Variants in DPYSL2 observed in about 807,000 individuals in gnomAD.
DPYSL2 encodes the protein dihydropyrimidinase like 2, also known as dihydropyrimidinase-related protein 2.
A neutral mutation model predicts 69.9 loss-of-function variants in DPYSL2; 13 were observed. The ratio of observed to expected loss-of-function variants is 0.19; its 90% confidence interval spans 0.12 to 0.30. The LOEUF is 0.30. Ranked by LOEUF, DPYSL2 falls within the 10% of genes least tolerant of loss-of-function variation. The probability of loss-of-function intolerance (pLI) is 1.00; values close to 1 mark genes in which losing one functional copy is unlikely to be tolerated. For missense variants in DPYSL2, 587 were observed against 918.9 expected (o/e 0.64, Z 4.67); for synonymous variants, 326 against 359.1 (o/e 0.91, Z 1.04).
Position 26,569,926 on chromosome 8 carries a change from C to T in DPYSL2, c.355-12043C>T, listed in dbSNP as rs562671000. On this transcript the variant is annotated intron_variant, in intron 1 of 13. Transcript: ENST00000521913. ...AAAGGAATAGAAGGGTAAGATCAGT[C>T]GGGCGCGGTGGCTCACACCTGTAAT... Among the ~76,000 whole-genome samples the T allele has an allele frequency of 1.5e-4, 23 of 152,176 alleles. 1 individual carries two copies. The highest frequency in any genetic ancestry group is 3.4e-3 in the Middle Eastern group (1 of 294).
chr8:26,615,066 C>T (rs757256203), intron 3 of DPYSL2, among the ~76,000 whole-genome samples: 5 of 152,178 alleles, frequency 3.3e-5, no homozygotes, highest in East Asian at 1.9e-4. Context: ...GCCAGAGGCA[C>T]GGGAGGTGTG....
rs192122791 is a variant in DPYSL2, at chr8:26,582,247, C to A, written c.443+190C>A. ...AAACTCAAATTTAGGGAATTCAAAG[C>A]AACAATTAATGTACACCCGTTGCAT... On this transcript the variant is annotated intron_variant, in intron 2 of 13. Transcript: ENST00000521913. The surrounding 1 kb of genome is among the most constrained non-coding windows in gnomAD (Gnocchi z 4.1). Among the ~76,000 whole-genome samples, 150 of 152,318 alleles carry A rather than the reference C, an allele frequency of 9.8e-4. 1 individual carries two copies. The highest frequency in any genetic ancestry group is 3.2e-3 in the African/African-American group (135 of 41,574).
In DPYSL2 at chr8:26,624,181, G is replaced by T. The variant is rs2228979; in HGVS notation, c.667G>T (p.Ala223Ser). ...VVPEPGTSLL[A>S]AFDQWREWAD... ...TCCTGAGCCTGGGACAAGCCTGCTC[G>T]CTGCCTTTGACCAGTGGAGGGAATG... The change falls in exon 4 of 14, where the codon GCT (alanine) becomes TCT (serine). Residue 223 changes from alanine to serine, a missense_variant. By Grantham distance (99) the Ala-to-Ser change is moderately conservative. Transcript: ENST00000521913. The surrounding 1 kb of genome is among the most constrained non-coding windows in gnomAD (Gnocchi z 4.7). The T allele has an allele frequency of 9.9e-6, 16 of 1,614,188 alleles. No homozygotes were observed. Among genetic ancestry groups the T allele is most frequent in the Non-Finnish European group, 1.4e-5 (16 of 1,180,032 alleles).
At chr8:26,529,728 ATTTT>A (rs71216757) in intron 1 of DPYSL2, among the ~76,000 whole-genome samples, 7 of 135,468 alleles carry the variant, frequency 5.2e-5, no homozygotes, top group Admixed American at 1.5e-4. Flanking sequence ...TTTAACCGTA[ATTTT>A]TTTTTTTTTT....
Position 26,652,104 on chromosome 8 carries a change from C to CA in DPYSL2, c.1597-151dup, listed in dbSNP as rs1360448078. Among the ~76,000 whole-genome samples the CA allele has an allele frequency of 1.3e-5, 2 of 152,054 alleles. No individual in the cohort carries two copies. Among genetic ancestry groups the CA allele is most frequent in the Non-Finnish European group, 2.9e-5 (2 of 68,016 alleles). On this transcript the variant is annotated intron_variant, in intron 11 of 13. Coordinates refer to ENST00000521913, the MANE Select transcript of DPYSL2 (RefSeq NM_001197293.3). The surrounding 1 kb of genome is among the most constrained non-coding windows in gnomAD (Gnocchi z 6.3). ...TCTAGACAGGGAAATGGAGACACAGCAAGTAAGTGCCTGCTGGGGTGCCCA... is the reference window on the plus strand; with the variant it reads ...TCTAGACAGGGAAATGGAGACACAGCAAAGTAAGTGCCTGCTGGGGTGCCCA...
At chr8:26,568,102 C>T (rs1313090573) in intron 1 of DPYSL2, among the ~76,000 whole-genome samples, 3 of 152,144 alleles carry the variant, frequency 2.0e-5, no homozygotes, top group Non-Finnish European at 2.9e-5. Context: ...CAACTGCATT[C>T]GGCTGTTTAT....
chr8:26,546,407 A>G (rs1800768804), intron 1 of DPYSL2, among the ~76,000 whole-genome samples: 1 of 152,208 alleles, frequency 6.6e-6, no homozygotes, highest in Non-Finnish European at 1.5e-5. Context: ...TAGACCTTCT[A>G]CATAGATGAT....
chr8:26,635,833 TTC>T (rs1220794323), intron 8 of DPYSL2, among the ~76,000 whole-genome samples: 2 of 152,322 alleles, frequency 1.3e-5, no homozygotes, highest in African/African-American at 4.8e-5. Flanking sequence ...CCCTCTGTCA[TTC>T]TCTCTCTGTG....
rs1487170905 is a variant in DPYSL2, at chr8:26,533,558, G to A, written c.354+18879G>A. On this transcript the variant is annotated intron_variant, in intron 1 of 13. Transcript: ENST00000521913. The surrounding 1 kb of genome is among the most constrained non-coding windows in gnomAD (Gnocchi z 4.8). ...ATTTTTCTATGTGGTATGAGACAGG[G>A]GTCTAACTTCATTATTTTGCCTGTG... Among the ~76,000 whole-genome samples the A allele has an allele frequency of 6.6e-6, 1 of 152,126 alleles. No homozygotes were observed. The highest frequency in any genetic ancestry group is 2.4e-5 in the African/African-American group (1 of 41,402).
chr8:26,637,311 C>T (rs1051860739), intron 8 of DPYSL2, among the ~76,000 whole-genome samples: 3 of 152,216 alleles, frequency 2.0e-5, no homozygotes, highest in Non-Finnish European at 4.4e-5. Context: ...ACTTCCTAGG[C>T]TCTTAGGCTC....
At chr8:26,595,164 A>G (rs1168237309) in intron 3 of DPYSL2, among the ~76,000 whole-genome samples, 2 of 152,126 alleles carry the variant, frequency 1.3e-5, no homozygotes, top group African/African-American at 2.4e-5. Flanking sequence ...TTGAGGGTGC[A>G]GTGAGCTATG....
rs1169030396 is a variant in DPYSL2 at position 26,614,412 on chromosome 8, G to T, written c.629-9731G>T. Among the ~76,000 whole-genome samples, 1 of 152,168 alleles carries T rather than the reference G, an allele frequency of 6.6e-6. No individual in the cohort carries two copies. The highest frequency in any genetic ancestry group is 1.5e-5 in the Non-Finnish European group (1 of 68,026). ...GATGAGAAGAGAGGGGTGGGGACAG[G>T]CGGTAGCTGGAGGGTCCTTCAGGAT... On this transcript the variant is annotated intron_variant, in intron 3 of 13. Transcript: ENST00000521913. This position sits in a 1 kb window ranked among gnomAD's most constrained non-coding sequence, Gnocchi z 4.9.
chr8:26,611,404 G>C (rs547643654), intron 3 of DPYSL2, among the ~76,000 whole-genome samples: 38 of 152,304 alleles, frequency 2.5e-4, no homozygotes, highest in African/African-American at 8.4e-4. Context: ...GCAGGCTTGA[G>C]GGCCTGTGAG....
intron 1 of DPYSL2, among the ~76,000 whole-genome samples, chr8:26,551,283 G>T (rs959346492): frequency 1.3e-5 from 2 of 152,160 alleles, no homozygotes; most frequent in African/African-American, 4.8e-5. Flanking sequence ...GTTAGAATAG[G>T]TATATTAATT....
rs977934139 is a variant in DPYSL2, at chr8:26,533,758, T to C, written c.354+19079T>C. ...GTCAAATGTTCTCAGGTGAAGAGGT[T>C]GAGAGGACTCCTGGAGATCCCAGAT... On this transcript the variant is annotated intron_variant, in intron 1 of 13. Transcript: ENST00000521913. This position sits in a 1 kb window ranked among gnomAD's most constrained non-coding sequence, Gnocchi z 4.8. Among the ~76,000 whole-genome samples the C allele has an allele frequency of 9.9e-5, 15 of 152,226 alleles. No homozygotes were observed. Among genetic ancestry groups the C allele is most frequent in the African/African-American group, 3.6e-4 (15 of 41,458 alleles).
At chr8:26,590,608 C>A in intron 3 of DPYSL2, among the ~76,000 whole-genome samples, 1 of 64,694 alleles carries the variant, frequency 1.5e-5, no homozygotes, top group East Asian at 6.6e-4. Flanking sequence ...GCGTGAATCT[C>A]GGCCTTGAAC....
At chr8:26,561,790 T>C (rs1239541641) in intron 1 of DPYSL2, among the ~76,000 whole-genome samples, 2 of 152,108 alleles carry the variant, frequency 1.3e-5, no homozygotes, top group Non-Finnish European at 2.9e-5. Context: ...CACAGTAGGG[T>C]TCGAGCTCCT....
intron 7 of DPYSL2, among the ~76,000 whole-genome samples, chr8:26,632,841 C>T (rs1358909739): frequency 1.3e-5 from 2 of 152,162 alleles, no homozygotes; most frequent in African/African-American, 4.8e-5. Flanking sequence ...CTTCAGCTGT[C>T]TTAGGAATGA....
chr8:26,519,348 C>G (rs1263727502), intron 1 of DPYSL2, among the ~76,000 whole-genome samples: 1 of 152,184 alleles, frequency 6.6e-6, no homozygotes, highest in Non-Finnish European at 1.5e-5. Flanking sequence ...AAAGTGATGT[C>G]CTGAAAACTA....
Sources: allele counts gnomAD v4.1 joint callset (sites outside exome capture counted in the v4.1 genomes callset), GRCh38; gene constraint gnomAD v4.1.1; non-coding constraint Gnocchi (gnomAD v3.1); transcripts MANE v1.5; gene names NCBI Gene and HGNC (gene_info 2026-07-23, HGNC 2026-07-21).